Variants in GRM7 observed in about 807,000 individuals in gnomAD.
GRM7 encodes the protein glutamate metabotropic receptor 7.
A neutral mutation model predicts 84.5 loss-of-function variants in GRM7; 35 were observed. The observed-to-expected ratio is 0.41, with a 90% CI of 0.32 to 0.55. GRM7 has a LOEUF of 0.55. GRM7 is among the 20% of genes least tolerant of loss of function. The pLI, the probability that GRM7 is intolerant of heterozygous loss-of-function variation, is 0.19. For synonymous variants in GRM7, 487 were observed against 455.1 expected (o/e 1.07, Z -0.89); for missense variants, 1,003 against 1,194.6 (o/e 0.84, Z 2.36).
At chr3:7,334,508 C>G (rs113050430) in intron 4 of GRM7, among the ~76,000 whole-genome samples, 2 of 150,024 alleles carry the variant, frequency 1.3e-5, no homozygotes, top group South Asian at 2.1e-4. Flanking sequence ...AAAACAAAAA[C>G]AAAAACACAA....
In GRM7 at chr3:7,372,648, T is replaced by C. The variant is rs73115514; in HGVS notation, c.1034-42375T>C. On this transcript the variant is annotated intron_variant, in intron 4 of 9. Transcript: ENST00000357716. Reference sequence around the variant, plus strand: ...AAAAGATCCCTAAAAGTAGCAGGTGTTTTAGAATTTTGTACTTTAGCACCA... The same window carrying C: ...AAAAGATCCCTAAAAGTAGCAGGTGCTTTAGAATTTTGTACTTTAGCACCA... Among the ~76,000 whole-genome samples, 931 of 152,204 alleles carry C rather than the reference T, an allele frequency of 6.1e-3. 8 individuals carry two copies. Among genetic ancestry groups the C allele is most frequent in the African/African-American group, 0.021 (890 of 41,518 alleles).
chr3:7,138,943 C>T (rs1343140878), intron 1 of GRM7, among the ~76,000 whole-genome samples: 3 of 150,626 alleles, frequency 2.0e-5, no homozygotes, highest in Non-Finnish European at 3.0e-5. Flanking sequence ...CAAGTGTAGG[C>T]ACATTATAGA....
chr3:7,293,696 A>G (rs1372306899), intron 2 of GRM7, among the ~76,000 whole-genome samples: 1 of 152,176 alleles, frequency 6.6e-6, no homozygotes, highest in African/African-American at 2.4e-5. Context: ...AAACTAACTG[A>G]TATTCAAATA....
chr3:7,488,704 T>C (rs946431644), intron 7 of GRM7, among the ~76,000 whole-genome samples: 2 of 152,222 alleles, frequency 1.3e-5, no homozygotes, highest in African/African-American at 4.8e-5. Context: ...ATCTCTTTTC[T>C]TTATGAATTA....
intron 1 of GRM7, among the ~76,000 whole-genome samples, chr3:7,060,980 C>A (rs114879432): frequency 6.6e-6 from 1 of 151,760 alleles, no homozygotes; most frequent in Non-Finnish European, 1.5e-5. Flanking sequence ...AATCCATAAG[C>A]CTTTTCCCAA....
intron 1 of GRM7, among the ~76,000 whole-genome samples, chr3:7,115,552 G>T (rs1181787434): frequency 6.6e-6 from 1 of 152,092 alleles, no homozygotes; most frequent in African/African-American, 2.4e-5. Flanking sequence ...TCTATAAAAG[G>T]CTGGTGGATG....
chr3:7,105,407 G>C (rs1226475203), intron 1 of GRM7, among the ~76,000 whole-genome samples: 1 of 151,832 alleles, frequency 6.6e-6, no homozygotes, highest in Non-Finnish European at 1.5e-5. Flanking sequence ...TACAATGGTA[G>C]CAAGTTCTTT....
intron 7 of GRM7, among the ~76,000 whole-genome samples, chr3:7,541,549 T>A (rs913523168): frequency 1.3e-5 from 2 of 152,202 alleles, no homozygotes; most frequent in East Asian, 1.9e-4. Flanking sequence ...TTACCCAAAG[T>A]GACTGTGAGT....
intron 1 of GRM7, among the ~76,000 whole-genome samples, chr3:7,141,120 T>C (rs1176843034): frequency 2.6e-5 from 4 of 152,078 alleles, no homozygotes; most frequent in African/African-American, 9.7e-5. Flanking sequence ...TTTCCTATTA[T>C]CACTCTTGTT....
intron 2 of GRM7, among the ~76,000 whole-genome samples, chr3:7,208,306 AC>A (rs199846433): frequency 1.0e-4 from 14 of 138,940 alleles, no homozygotes; most frequent in African/African-American, 3.5e-4. Context: ...CTTAGCAATG[AC>A]TGGCCATAAG....
chr3:7,347,846 C>T (rs1451710749), intron 4 of GRM7, among the ~76,000 whole-genome samples: 1 of 152,154 alleles, frequency 6.6e-6, no homozygotes, highest in East Asian at 1.9e-4. Flanking sequence ...TGCTTTTTGA[C>T]ATTGTCCCTT....
intron 1 of GRM7, among the ~76,000 whole-genome samples, chr3:7,039,314 G>C (rs948382332): frequency 2.0e-4 from 31 of 152,186 alleles, no homozygotes; most frequent in African/African-American, 7.5e-4. Flanking sequence ...CAGATGATAT[G>C]GAGAAAATTG....
chr3:7,483,191 T>G (rs41370050), intron 7 of GRM7, among the ~76,000 whole-genome samples: 11,884 of 152,192 alleles, frequency 0.078, 1,546 homozygotes, highest in African/African-American at 0.27. Context: ...AGGTTTCTGA[T>G]CATATGGAGG....
intron 2 of GRM7, among the ~76,000 whole-genome samples, chr3:7,163,771 T>C (rs1392083558): frequency 6.6e-6 from 1 of 152,226 alleles, no homozygotes; most frequent in African/African-American, 2.4e-5. Context: ...TTCCAAGACC[T>C]TGATGTAAGC....
intron 4 of GRM7, among the ~76,000 whole-genome samples, chr3:7,333,925 A>C (rs893947109): frequency 6.6e-6 from 1 of 152,000 alleles, no homozygotes; most frequent in African/African-American, 2.4e-5. Flanking sequence ...AAGAATAAAG[A>C]ATTTAAAAAA....
In GRM7 at chr3:6,862,870, C is replaced by T. The variant is rs941292772; in HGVS notation, c.519+963C>T. On this transcript the variant is annotated intron_variant, in intron 1 of 9. Coordinates refer to ENST00000357716, the MANE Select transcript of GRM7 (RefSeq NM_000844.4). The surrounding 1 kb of genome is among the most constrained non-coding windows in gnomAD (Gnocchi z 5.2). ...GCGGGGCCCCGTGGTCCTCCTGCTCCGGTGCCGGAGGGAGACGGAGAAAAA... is the reference window on the plus strand; with the variant it reads ...GCGGGGCCCCGTGGTCCTCCTGCTCTGGTGCCGGAGGGAGACGGAGAAAAA... The T allele has an allele frequency of 2.1e-5, 8 of 385,986 alleles. No homozygotes were observed. Among genetic ancestry groups the T allele is most frequent in the Admixed American group, 1.5e-4 (5 of 33,298 alleles). The allele number at this position is 385,986 out of a possible 1,614,324, so 23.9% of individuals were successfully genotyped here. A position where few individuals can be genotyped will look rare whatever the true frequency, so the allele number is the denominator to read the frequency against.
intron 2 of GRM7, among the ~76,000 whole-genome samples, chr3:7,197,456 T>C (rs563037261): frequency 2.6e-5 from 4 of 152,338 alleles, no homozygotes; most frequent in South Asian, 2.1e-4. Flanking sequence ...AGGTCTTTAA[T>C]AGATGGTTTC....
intron 1 of GRM7, 76 bp from the exon 2 acceptor site, chr3:7,146,376 T>A: frequency 8.8e-7 from 1 of 1,142,468 alleles, no homozygotes; most frequent in African/African-American, 1.5e-5. Context: ...GTATTTTAAG[T>A]AAACTGTCAT....
chr3:7,707,076 A>C (rs1205027394), intron 9 of GRM7, among the ~76,000 whole-genome samples: 2 of 152,178 alleles, frequency 1.3e-5, no homozygotes, highest in African/African-American at 4.8e-5. Context: ...CTTATAGAAA[A>C]ATATGCTACT....
Sources: allele counts gnomAD v4.1 joint callset (sites outside exome capture counted in the v4.1 genomes callset), GRCh38; gene constraint gnomAD v4.1.1; non-coding constraint Gnocchi (gnomAD v3.1); transcripts MANE v1.5; gene names NCBI Gene and HGNC (gene_info 2026-07-23, HGNC 2026-07-21).